FER: variants seen among roughly 807,000 people sequenced by gnomAD.
FER encodes FER tyrosine kinase.
FER carries 63 observed loss-of-function variants against 111.0 expected under a neutral mutation model. The observed-to-expected ratio is 0.57, with a 90% CI of 0.46 to 0.70. FER has a LOEUF of 0.70. FER is among the 30% of genes least tolerant of loss of function. FER has a pLI of 0.00. For missense variants in FER, 914 were observed against 954.0 expected, an observed-to-expected ratio of 0.96 and a Z score of 0.55; for synonymous variants, 327 against 313.9, an observed-to-expected ratio of 1.04 and a Z score of -0.44.
At chr5:108,922,899 A>G (rs929039223) in intron 10 of FER, among the ~76,000 whole-genome samples, 3 of 152,170 alleles carry the variant, frequency 2.0e-5, no homozygotes. Context: ...GACTTAATCT[A>G]AGAAACAGTA....
chr5:108,992,947 C>T (rs1198198391), intron 13 of FER, among the ~76,000 whole-genome samples: 2 of 149,770 alleles, frequency 1.3e-5, no homozygotes, highest in African/African-American at 2.5e-5. Flanking sequence ...GATGGGCGGC[C>T]GGGCAGAGAC....
At chr5:109,024,006 C>T (rs547975252) in intron 13 of FER, among the ~76,000 whole-genome samples, 1 of 152,168 alleles carries the variant, frequency 6.6e-6, no homozygotes, top group African/African-American at 2.4e-5. Flanking sequence ...TATTTAGAAC[C>T]ACCCTATATA....
intron 13 of FER, among the ~76,000 whole-genome samples, chr5:109,030,298 G>C (rs1004995001): frequency 2.0e-5 from 3 of 152,112 alleles, no homozygotes; most frequent in Non-Finnish European, 4.4e-5. Flanking sequence ...TCCAACATCA[G>C]ATCCATCCCA....
chr5:108,875,923 C>T (rs558223016), intron 8 of FER, among the ~76,000 whole-genome samples: 2 of 152,214 alleles, frequency 1.3e-5, no homozygotes, highest in African/African-American at 4.8e-5. Flanking sequence ...TATTTGAATA[C>T]CATGATTACG....
chr5:108,759,247 T>A (rs1751451747), intron 1 of FER, among the ~76,000 whole-genome samples: 1 of 152,218 alleles, frequency 6.6e-6, no homozygotes, highest in Admixed American at 6.5e-5. Flanking sequence ...TGGACATAAT[T>A]CAGGCAAGTG....
intron 2 of FER, among the ~76,000 whole-genome samples, chr5:108,788,781 C>T (rs10477430): frequency 0.24 from 35,726 of 151,928 alleles, 4,431 homozygotes; most frequent in African/African-American, 0.3. Context: ...AAAGGTAAAA[C>T]TTGCAGCTGA....
intron 10 of FER, among the ~76,000 whole-genome samples, chr5:108,920,356 A>C (rs1561616516): frequency 6.6e-6 from 1 of 152,246 alleles, no homozygotes; most frequent in East Asian, 1.9e-4. Flanking sequence ...GGTGTCATAC[A>C]TAAGGTATGA....
intron 13 of FER, among the ~76,000 whole-genome samples, chr5:108,985,852 G>A (rs1762512010): frequency 6.6e-6 from 1 of 152,150 alleles, no homozygotes; most frequent in Admixed American, 6.6e-5. Flanking sequence ...GGGCATTTGG[G>A]TTGGTTTCAT....
intron 5 of FER, among the ~76,000 whole-genome samples, chr5:108,845,067 T>TACATATATATATATATACACAC (rs1761887476): frequency 3.7e-5 from 2 of 53,856 alleles, no homozygotes; most frequent in African/African-American, 1.5e-4. Context: ...TATATATATA[T>TACATATATATATATATACACAC]ACACACACAC....
intron 16 of FER, among the ~76,000 whole-genome samples, chr5:109,083,477 C>T (rs543835438): frequency 1.8e-4 from 27 of 152,160 alleles, no homozygotes; most frequent in East Asian, 1.7e-3. Context: ...ACTTTATCTC[C>T]ATTTTAACCC....
At chr5:109,185,763 C>A (rs1758789061) in intron 18 of FER, among the ~76,000 whole-genome samples, 1 of 152,136 alleles carries the variant, frequency 6.6e-6, no homozygotes, top group Non-Finnish European at 1.5e-5. Context: ...GCATGTCGAA[C>A]TCATTTGGTA....
chr5:108,827,858 T>C (rs1407011286), intron 3 of FER, among the ~76,000 whole-genome samples: 1 of 146,334 alleles, frequency 6.8e-6, no homozygotes, highest in Non-Finnish European at 1.5e-5. Flanking sequence ...AGACAGGCTC[T>C]TGCTCTGTCA....
At chr5:109,182,395 A>T (rs771986740) in intron 18 of FER, among the ~76,000 whole-genome samples, 1 of 152,186 alleles carries the variant, frequency 6.6e-6, no homozygotes, top group South Asian at 2.1e-4. Context: ...CAGTTCCACT[A>T]TTCCTTAGAA....
chr5:109,052,243 A>T, intron 16 of FER: 1 of 1,606,846 alleles, frequency 6.2e-7, no homozygotes, highest in Non-Finnish European at 8.5e-7. Context: ...CACATGAGAG[A>T]TTGGGAAAGA....
At position 108,873,504 on chromosome 5, in the gene FER, C is replaced by T. The variant is rs572049318; in HGVS notation, c.923+1292C>T. Among the ~76,000 whole-genome samples, 4 of 152,194 alleles carry T rather than the reference C, an allele frequency of 2.6e-5. No individual in the cohort carries two copies. In the East Asian group the frequency reaches 7.7e-4, roughly 29 times the overall value. The stretch of plus-strand genomic sequence containing the variant: ...TTGAAGAAACTAACAAATATTTGTC[C>T]GCAAATCATGTGTACAAGATGAAGG... On this transcript the variant is annotated intron_variant, in intron 8 of 19. Transcript: ENST00000281092.
chr5:109,165,768 CATGTTCA>C (rs1756492646), intron 17 of FER, among the ~76,000 whole-genome samples: 1 of 152,118 alleles, frequency 6.6e-6, no homozygotes, highest in Non-Finnish European at 1.5e-5. Context: ...ACATACATCC[CATGTTCA>C]TTCTATGGTG....
chr5:109,047,084 TA>T lies in FER; in HGVS notation c.1830-19del. The T allele has an allele frequency of 7.9e-7, 1 of 1,272,932 alleles. No individual in the cohort carries two copies. The highest frequency in any genetic ancestry group is 1.1e-6 in the Non-Finnish European group (1 of 885,986). The allele number at this position is 1,272,932 out of a possible 1,614,324, so 78.9% of individuals were successfully genotyped here. A position where few individuals can be genotyped will look rare whatever the true frequency, so the allele number is the denominator to read the frequency against. On this transcript the variant is annotated intron_variant, in intron 15 of 19. Coordinates refer to ENST00000281092, the MANE Select transcript of FER (RefSeq NM_005246.4). ...TTATTATTCAAATGATAACTATTCG[TA>T]TATTTTCATCTCATCTAGAATTCTC...
At chr5:109,023,039 A>G (rs1035080681) in intron 13 of FER, among the ~76,000 whole-genome samples, 4 of 152,058 alleles carry the variant, frequency 2.6e-5, no homozygotes, top group African/African-American at 9.7e-5. Flanking sequence ...CTTATGTGTA[A>G]AATGTATGTA....
Position 109,060,780 on chromosome 5 carries a change from A to G in FER, c.1924+13582A>G, listed in dbSNP as rs546779375. 7.1e-4 allele frequency among the ~76,000 whole-genome samples: 105 copies of G among 147,560 alleles called. 2 individuals carry two copies. The South Asian group carries it at 0.022, about 31-fold the overall frequency. On this transcript the variant is annotated intron_variant, in intron 16 of 19. Coordinates refer to ENST00000281092, the MANE Select transcript of FER (RefSeq NM_005246.4). The stretch of plus-strand genomic sequence containing the variant: ...GTGTGGTGTGTGTGTGTGTATATAT[A>G]TATATATACACACCAAACACACATA...
Sources: gnomAD v4.1 joint callset for allele counts (sites outside exome capture counted in the v4.1 genomes callset) on GRCh38, gnomAD v4.1.1 for gene constraint, MANE v1.5 for transcripts, NCBI Gene and HGNC (gene_info 2026-07-23, HGNC 2026-07-21) for gene names.